The following TRPM3 variants were observed in gnomAD, a reference collection of about 807,000 sequenced individuals.
TRPM3 encodes transient receptor potential cation channel subfamily M member 3.
In TRPM3, 77 loss-of-function variants were observed where a neutral mutation model predicts 181.2. The ratio of observed to expected loss-of-function variants is 0.42; its 90% CI spans 0.35 to 0.51. The LOEUF is 0.51. Ranked by LOEUF, TRPM3 falls within the 20% of genes least tolerant of loss-of-function variation. The pLI, the probability that TRPM3 is intolerant of heterozygous loss-of-function variation, is 0.01. For missense variants in TRPM3, 1,759 were observed against 2,196.7 expected (o/e 0.80, Z 3.98); for synonymous variants, 745 against 796.4 (o/e 0.94, Z 1.09).
At chr9:70,544,767 T>A (rs1330828229) in intron 25 of TRPM3, among the ~76,000 whole-genome samples, 1 of 151,358 alleles carries the variant, frequency 6.6e-6, no homozygotes, top group Non-Finnish European at 1.5e-5. Context: ...AAAAGAAAAA[T>A]TTTATAGTAA....
At chr9:70,998,264 TA>T (rs202003149) in intron 1 of TRPM3, among the ~76,000 whole-genome samples, 374 of 91,784 alleles carry the variant, frequency 4.1e-3, no homozygotes, top group Middle Eastern at 0.026. Context: ...TATATATATA[TA>T]TTTTTTTTAG....
At position 71,282,402 on chromosome 9, in the gene TRPM3, AAAAG is replaced by A. The variant is rs1198227558; in HGVS notation, c.183+164247_183+164250del. Among the ~76,000 whole-genome samples the A allele has an allele frequency of 7.5e-5, 6 of 79,804 alleles. 1 individual carries two copies. The highest frequency in any genetic ancestry group is 1.5e-4 in the Non-Finnish European group (6 of 39,300). 52.4% of individuals were successfully genotyped at this position (79,804 alleles called of 152,430 possible). On this transcript the variant is annotated intron_variant, in intron 1 of 24. Coordinates refer to the TRPM3 transcript ENST00000357533. ...AAGAAAGAAAGGAAAGAAAGAAAGG[AAAAG>A]AAAGAAAAAGAAAAAGAAAGAAAAA...
chr9:70,603,539 T>G (rs2060466853), intron 19 of TRPM3, 69 bp from the exon 20 acceptor site: 2 of 1,583,218 alleles, frequency 1.3e-6, no homozygotes, highest in East Asian at 2.2e-5. Flanking sequence ...CCAAGGCCAC[T>G]GCACAGCAGC....
chr9:71,205,097 A>G (rs2079045569), intron 1 of TRPM3, among the ~76,000 whole-genome samples: 1 of 152,026 alleles, frequency 6.6e-6, no homozygotes, highest in African/African-American at 2.4e-5. Context: ...TTGCATTAGG[A>G]GATATACCTA....
At chr9:70,784,372 C>A in intron 6 of TRPM3, 93 bp from the exon 7 acceptor site, 1 of 1,345,496 alleles carries the variant, frequency 7.4e-7, no homozygotes, top group Non-Finnish European at 1.0e-6. Context: ...AAAGCACAAA[C>A]TAAAATTACT....
chr9:70,693,430 C>T (rs2069165853), intron 8 of TRPM3, among the ~76,000 whole-genome samples: 1 of 152,152 alleles, frequency 6.6e-6, no homozygotes, highest in Admixed American at 6.5e-5. Flanking sequence ...TCTTCCAGGC[C>T]AACACCATAT....
intron 1 of TRPM3, among the ~76,000 whole-genome samples, chr9:71,255,849 CTT>C (rs1271639947): frequency 6.6e-6 from 1 of 152,158 alleles, no homozygotes; most frequent in African/African-American, 2.4e-5. Context: ...ATCTGAATCT[CTT>C]TTCTCTTGGA....
chr9:71,344,903 A>C (rs1026800743), intron 1 of TRPM3, among the ~76,000 whole-genome samples: 2 of 152,224 alleles, frequency 1.3e-5, no homozygotes, highest in Non-Finnish European at 2.9e-5. Flanking sequence ...CTCAAATTAA[A>C]AAGTGGCAAA....
intron 1 of TRPM3, among the ~76,000 whole-genome samples, chr9:71,323,140 T>C (rs1167906835): frequency 6.6e-6 from 1 of 152,160 alleles, no homozygotes; most frequent in Non-Finnish European, 1.5e-5. Context: ...CCTGATTTCA[T>C]AACCAAGTAA....
chr9:71,335,878 C>T (rs1411633406), intron 1 of TRPM3, among the ~76,000 whole-genome samples: 1 of 152,096 alleles, frequency 6.6e-6, no homozygotes, highest in East Asian at 1.9e-4. Context: ...GCATCTGACT[C>T]TGCATATGAA....
chr9:71,018,790 C>T (rs1037019132), intron 1 of TRPM3, among the ~76,000 whole-genome samples: 8 of 151,890 alleles, frequency 5.3e-5, no homozygotes, highest in East Asian at 1.9e-4. Context: ...TCCCAAGTCA[C>T]GATGAAGCCA....
chr9:71,431,340 T>A (rs552448474), intron 1 of TRPM3, among the ~76,000 whole-genome samples: 1 of 152,326 alleles, frequency 6.6e-6, no homozygotes, highest in Non-Finnish European at 1.5e-5. Context: ...TTTCAGCACA[T>A]TAAAAAGATA....
intron 6 of TRPM3, among the ~76,000 whole-genome samples, chr9:70,808,471 G>C (rs1013857831): frequency 2.0e-5 from 3 of 152,190 alleles, no homozygotes; most frequent in Non-Finnish European, 4.4e-5. Context: ...AACATGACAA[G>C]TCAATACCAA....
intron 1 of TRPM3, among the ~76,000 whole-genome samples, chr9:70,923,861 TATATATATAC>T (rs1369377896): frequency 6.7e-6 from 1 of 149,808 alleles, no homozygotes; most frequent in Non-Finnish European, 1.5e-5. Flanking sequence ...CACACACATA[TATATATATAC>T]ATATATATAC....
chr9:71,159,105 TAGAGAGAG>T (rs140356660), intron 1 of TRPM3, among the ~76,000 whole-genome samples: 32,802 of 144,050 alleles, frequency 0.23, 4,077 homozygotes, highest in African/African-American at 0.35. Context: ...TATATATATT[TAGAGAGAG>T]AGAGAGAGAG....
intron 7 of TRPM3, 145 bp downstream of exon 7, chr9:70,783,960 C>A: frequency 6.9e-7 from 1 of 1,439,278 alleles, no homozygotes; most frequent in East Asian, 2.5e-5. Context: ...CCACAGCCCT[C>A]CCATGACAGA....
intron 7 of TRPM3, among the ~76,000 whole-genome samples, chr9:70,768,948 T>C (rs1338407960): frequency 6.6e-6 from 1 of 152,196 alleles, no homozygotes; most frequent in Non-Finnish European, 1.5e-5. Flanking sequence ...TTTGACTTCC[T>C]AAAATATTTT....
intron 1 of TRPM3, among the ~76,000 whole-genome samples, chr9:71,356,514 C>T (rs1016119854): frequency 2.6e-5 from 4 of 152,088 alleles, no homozygotes; most frequent in Admixed American, 2.0e-4. Flanking sequence ...CAAACCTCAG[C>T]TTCTTTCTGT....
At chr9:71,001,944 G>T (rs149969687) in intron 1 of TRPM3, among the ~76,000 whole-genome samples, 181 of 152,306 alleles carry the variant, frequency 1.2e-3, no homozygotes, top group African/African-American at 4.0e-3. Context: ...GATGGCAGGT[G>T]TGCCAGAGAC....
Sources: allele counts gnomAD v4.1 joint callset (sites outside exome capture counted in the v4.1 genomes callset), GRCh38; gene constraint gnomAD v4.1.1; transcripts MANE v1.5; gene names NCBI Gene and HGNC (gene_info 2026-07-23, HGNC 2026-07-21).